TRMT9B: variants seen among roughly 807,000 people sequenced by gnomAD.
TRMT9B encodes probable tRNA methyltransferase 9B.
Under a neutral mutation model 11.5 loss-of-function variants are expected in TRMT9B, and 16 were observed. That is an observed-to-expected ratio of 1.39 (90% CI 0.94 to 2.11). The LOEUF (loss-of-function observed/expected upper bound fraction) is 2.11, where lower values mean the gene tolerates loss of function less well. TRMT9B is among the 30% of genes most tolerant of loss of function. TRMT9B has a pLI of 0.00. For missense variants in TRMT9B, 941 were observed against 553.8 expected (o/e 1.70, Z -7.02); for synonymous variants, 274 against 192.4 (o/e 1.42, Z -3.51).
intron 3 of TRMT9B, chr8:13,012,374 C>G (rs557834308): frequency 9.4e-5 from 59 of 630,702 alleles, no homozygotes; most frequent in East Asian, 1.3e-4. Context: ...GTTGGGAGTT[C>G]GAGACCAACC....
intron 1 of TRMT9B, among the ~76,000 whole-genome samples, chr8:12,981,002 G>T (rs1448983134): frequency 6.6e-6 from 1 of 152,152 alleles, no homozygotes; most frequent in African/African-American, 2.4e-5. Flanking sequence ...CATTGATTTA[G>T]ATAAGGAGCT....
At chr8:12,996,753 A>G in intron 2 of TRMT9B, among the ~76,000 whole-genome samples, 1 of 152,174 alleles carries the variant, frequency 6.6e-6, no homozygotes, top group South Asian at 2.1e-4. Context: ...ATGTACAAAT[A>G]AATGAATGAA....
rs540296896 is a variant in TRMT9B at position 12,959,489 on chromosome 8, C to G, written c.-200+13523C>G. On this transcript the variant is annotated intron_variant, in intron 1 of 4. Transcript: ENST00000524591. Reference sequence around the variant, plus strand: ...AAGCATTTGTATTTTCCTCTCCTCTCCTCTCCTCTCCTTTCCTTTTTCCTT... The same window carrying G: ...AAGCATTTGTATTTTCCTCTCCTCTGCTCTCCTCTCCTTTCCTTTTTCCTT... Among the ~76,000 whole-genome samples, 67 of 146,198 alleles carry G rather than the reference C, an allele frequency of 4.6e-4. 1 individual carries two copies. In the Admixed American group the frequency reaches 4.7e-3, roughly 10 times the overall value.
At chr8:12,968,921 C>T (rs534371754) in intron 1 of TRMT9B, among the ~76,000 whole-genome samples, 4 of 152,090 alleles carry the variant, frequency 2.6e-5, no homozygotes, top group African/African-American at 4.8e-5. Context: ...TATATAAAAC[C>T]GAAAAGTGGG....
At chr8:12,983,545 C>T (rs2128874402) in intron 1 of TRMT9B, among the ~76,000 whole-genome samples, 1 of 152,252 alleles carries the variant, frequency 6.6e-6, no homozygotes, top group Middle Eastern at 3.4e-3. Flanking sequence ...TGGCAGGTGC[C>T]TGTAATCTCA....
intron 1 of TRMT9B, among the ~76,000 whole-genome samples, chr8:12,981,559 A>G (rs1585190753): frequency 1.3e-5 from 2 of 151,982 alleles, no homozygotes; most frequent in East Asian, 3.9e-4. Context: ...TTATTCCAGT[A>G]TTGGTTTATT....
Position 12,991,526 on chromosome 8 carries a change from C to G in TRMT9B, c.-2+495C>G, listed in dbSNP as rs540729949. On this transcript the variant is annotated intron_variant, in intron 2 of 4. Coordinates refer to ENST00000524591, the MANE Select transcript of TRMT9B (RefSeq NM_020844.3). ...AATTTAAAGCAGAATTTTATGCTCT[C>G]TCTTTTTTAATTCTGTGTCTTCTGT... Among the ~76,000 whole-genome samples the G allele has an allele frequency of 2.9e-3, 447 of 152,310 alleles. 2 individuals are homozygous for G. Among genetic ancestry groups the G allele is most frequent in the Middle Eastern group, 6.8e-3 (2 of 294 alleles).
intron 3 of TRMT9B, chr8:13,010,472 T>C (rs1811386793): frequency 1.0e-6 from 1 of 984,984 alleles, no homozygotes; most frequent in Non-Finnish European, 1.2e-6. Context: ...AGCTGTTTGA[T>C]GAATAGACAA....
At chr8:13,019,307 T>C (rs1207756883) in intron 4 of TRMT9B, among the ~76,000 whole-genome samples, 1 of 152,196 alleles carries the variant, frequency 6.6e-6, no homozygotes, top group Non-Finnish European at 1.5e-5. Flanking sequence ...GATACATATA[T>C]TTGAGACAGC....
chr8:12,992,497 T>C (rs1335325721), intron 2 of TRMT9B, among the ~76,000 whole-genome samples: 1 of 151,984 alleles, frequency 6.6e-6, no homozygotes, highest in Non-Finnish European at 1.5e-5. Flanking sequence ...GCATATTGTC[T>C]CTGTGGTATC....
chr8:12,994,909 C>T (rs1233916455), intron 2 of TRMT9B, among the ~76,000 whole-genome samples: 9 of 152,092 alleles, frequency 5.9e-5, no homozygotes, highest in African/African-American at 1.4e-4. Context: ...CTCGAACTCT[C>T]GACCTCAGGT....
intron 1 of TRMT9B, among the ~76,000 whole-genome samples, chr8:12,973,213 T>G (rs1803899983): frequency 6.6e-6 from 1 of 152,214 alleles, no homozygotes; most frequent in African/African-American, 2.4e-5. Flanking sequence ...TTTGTGACCC[T>G]TAGTCCAACG....
rs1376678725 is a variant in TRMT9B at position 13,026,376 on chromosome 8, G to C, written c.*4332G>C. The C allele has an allele frequency of 6.0e-6, 1 of 166,140 alleles. No homozygotes were observed. The highest frequency in any genetic ancestry group is 2.0e-4 in the East Asian group (1 of 5,104). The allele number at this position is 166,140 out of a possible 1,614,324, so 10.3% of individuals were successfully genotyped here. A position where few individuals can be genotyped will look rare whatever the true frequency, so the allele number is the denominator to read the frequency against. On this transcript the variant is annotated 3_prime_UTR_variant, in exon 5 of 5. Transcript: ENST00000524591. ...GGAACATCACACACTGGGACCTGTT[G>C]TGACCCCGCTGAGGGAGTTCCTCTT... is the stretch of plus-strand genomic sequence containing the variant.
intron 1 of TRMT9B, among the ~76,000 whole-genome samples, chr8:12,955,418 G>A (rs1205536684): frequency 2.6e-5 from 4 of 151,956 alleles, no homozygotes; most frequent in African/African-American, 7.3e-5. Flanking sequence ...GCCTTTCCCC[G>A]TTCCCTCCTA....
At chr8:13,011,422 G>T (rs779488645) in intron 3 of TRMT9B, 1 of 985,376 alleles carries the variant, frequency 1.0e-6, no homozygotes, top group Non-Finnish European at 1.2e-6. Flanking sequence ...TATTTCAGAA[G>T]CAGCAAACTA....
chr8:12,949,549 T>A (rs1800436533), intron 1 of TRMT9B, among the ~76,000 whole-genome samples: 1 of 152,240 alleles, frequency 6.6e-6, no homozygotes, highest in Non-Finnish European at 1.5e-5. Flanking sequence ...ATGCCGCTTA[T>A]GATGGCCTCA....
intron 1 of TRMT9B, among the ~76,000 whole-genome samples, chr8:12,989,337 C>G (rs543606906): frequency 1.3e-5 from 2 of 152,124 alleles, no homozygotes; most frequent in South Asian, 4.1e-4. Context: ...CTATCTTTGC[C>G]CAGTAACTTC....
intron 2 of TRMT9B, among the ~76,000 whole-genome samples, chr8:13,004,838 G>C (rs917583791): frequency 6.6e-6 from 1 of 152,104 alleles, no homozygotes; most frequent in African/African-American, 2.4e-5. Context: ...CTCGGCCACA[G>C]TGGGGAAGGG....
intron 3 of TRMT9B, chr8:13,011,649 C>T: frequency 1.0e-6 from 1 of 978,240 alleles, no homozygotes; most frequent in Non-Finnish European, 1.2e-6. Flanking sequence ...TCAATCATAA[C>T]ATCAGTAAGA....
Sources: allele counts gnomAD v4.1 joint callset (sites outside exome capture counted in the v4.1 genomes callset), GRCh38; gene constraint gnomAD v4.1.1; transcripts MANE v1.5; gene names NCBI Gene and HGNC (gene_info 2026-07-23, HGNC 2026-07-21).